The following MED13L variants were observed in gnomAD, a reference collection of about 807,000 sequenced individuals.
MED13L encodes the protein mediator complex subunit 13L.
Under a neutral mutation model 220.9 loss-of-function variants are expected in MED13L, and 7 were observed. The observed-to-expected ratio is 0.03, with a 90% CI of 0.02 to 0.06. The LOEUF is 0.06. Ranked by LOEUF, MED13L falls within the 10% of genes least tolerant of loss-of-function variation. The pLI, the probability that MED13L is intolerant of heterozygous loss-of-function variation, is 1.00. For missense variants in MED13L, 1,965 were observed against 2,760.5 expected (o/e 0.71, Z 6.46); for synonymous variants, 1,011 against 1,015.2 (o/e 1.00, Z 0.08).
At chr12:116,042,765 TA>T (rs936187167) in intron 4 of MED13L, among the ~76,000 whole-genome samples, 3 of 151,372 alleles carry the variant, frequency 2.0e-5, no homozygotes, top group Non-Finnish European at 3.0e-5. Flanking sequence ...GCTGATAGCG[TA>T]AAAAAAAACC....
rs200209262 is a variant in MED13L at position 116,006,330 on chromosome 12, T to C, written c.2320A>G (p.Ile774Val). 7.4e-5 allele frequency: 119 copies of C among 1,613,780 alleles called. No homozygotes were observed. The highest frequency in any genetic ancestry group is 8.9e-5 in the Non-Finnish European group (105 of 1,179,872). Residue 774 changes from isoleucine to valine, a missense_variant, in exon 12 of 31, where the codon ATT (isoleucine) becomes GTT (valine). Coordinates refer to ENST00000281928, the MANE Select transcript of MED13L (RefSeq NM_015335.5). The stretch of plus-strand genomic sequence containing the variant: ...CCTGTTTTAGTAGCAGAACTGAAAA[T>C]AGACATGGCATTTTTCCCATCAGGC... Reference protein sequence around the residue: ...PVPDGKNAMSIFSSATKTDVR... With the variant: ...PVPDGKNAMSVFSSATKTDVR...
chr12:116,129,546 A>T (rs1020998702), intron 2 of MED13L, among the ~76,000 whole-genome samples: 2 of 152,132 alleles, frequency 1.3e-5, no homozygotes, highest in Non-Finnish European at 2.9e-5. Context: ...ATTTTTGCCT[A>T]CCCAAACCAG....
rs866215880 is a variant in MED13L, at chr12:116,167,977, C to T, written c.311-56465G>A. Among the ~76,000 whole-genome samples the T allele has an allele frequency of 2.0e-5, 3 of 152,038 alleles. No individual in the cohort carries two copies. In the South Asian group the frequency reaches 6.2e-4, roughly 31 times the overall value. Reference sequence around the variant, plus strand: ...CATTTGAAATATTGAAGATAAAATGCTAGCTTTAAAAAAAATAAAAATCAT... The same window carrying T: ...CATTTGAAATATTGAAGATAAAATGTTAGCTTTAAAAAAAATAAAAATCAT... On this transcript the variant is annotated intron_variant, in intron 2 of 30. Transcript: ENST00000281928.
rs10678970 is a variant in MED13L, at chr12:116,148,051, C to CAAAAAAAAAAAAAAAAAAAAA, written c.311-36560_311-36540dup. ...TGGGCTACAGAGCAAGACCCCATCT[C>CAAAAAAAAAAAAAAAAAAAAA]AAAAAAAAAAAAAAAAAAAAAAAGA... On this transcript the variant is annotated intron_variant, in intron 2 of 30. Transcript: ENST00000281928. 2.2e-4 allele frequency among the ~76,000 whole-genome samples: 4 copies of CAAAAAAAAAAAAAAAAAAAAA among 18,140 alleles called. 1 individual carries two copies. Among genetic ancestry groups the CAAAAAAAAAAAAAAAAAAAAA allele is most frequent in the Non-Finnish European group, 3.7e-4 (4 of 10,670 alleles). 11.9% of individuals were successfully genotyped at this position (18,140 alleles called of 152,430 possible).
At chr12:116,102,618 T>C (rs1271779286) in intron 3 of MED13L, among the ~76,000 whole-genome samples, 1 of 149,150 alleles carries the variant, frequency 6.7e-6, no homozygotes, top group Non-Finnish European at 1.5e-5. Flanking sequence ...ATGCTCCCAA[T>C]CCCTAACCAA....
chr12:116,098,372 C>T (rs537222427), intron 3 of MED13L, among the ~76,000 whole-genome samples: 1 of 152,304 alleles, frequency 6.6e-6, no homozygotes, highest in Admixed American at 6.5e-5. Context: ...TGAAATTCTA[C>T]ATATTTTGTA....
chr12:116,199,354 G>A (rs1881852533), intron 2 of MED13L, among the ~76,000 whole-genome samples: 2 of 152,110 alleles, frequency 1.3e-5, no homozygotes, highest in Admixed American at 1.3e-4. Context: ...AAATCAAAAA[G>A]AGAGTTTACA....
intron 2 of MED13L, among the ~76,000 whole-genome samples, chr12:116,123,418 A>C (rs1875264590): frequency 6.6e-6 from 1 of 152,212 alleles, no homozygotes; most frequent in African/African-American, 2.4e-5. Context: ...TCATTGCTAC[A>C]AATAAACATT....
chr12:116,053,513 G>A (rs568850250), intron 4 of MED13L, among the ~76,000 whole-genome samples: 1 of 152,148 alleles, frequency 6.6e-6, no homozygotes, highest in African/African-American at 2.4e-5. Flanking sequence ...AATACTAAGA[G>A]TTATTAATAT....
chr12:116,051,747 A>G (rs1421853707), intron 4 of MED13L, among the ~76,000 whole-genome samples: 1 of 152,190 alleles, frequency 6.6e-6, no homozygotes, highest in African/African-American at 2.4e-5. Flanking sequence ...TGTCTGTGAA[A>G]CAAAGTTTTG....
intron 2 of MED13L, among the ~76,000 whole-genome samples, chr12:116,221,373 T>TAAAA (rs78623635): frequency 7.6e-6 from 1 of 132,358 alleles, no homozygotes; most frequent in South Asian, 2.4e-4. Context: ...GACCCTGTCT[T>TAAAA]AAAAAAAAAA....
chr12:116,202,019 T>C (rs745551501), intron 2 of MED13L, among the ~76,000 whole-genome samples: 25 of 152,326 alleles, frequency 1.6e-4, no homozygotes, highest in Non-Finnish European at 2.4e-4. Context: ...ACAAAACAGA[T>C]GTTGCTGCCT....
intron 2 of MED13L, among the ~76,000 whole-genome samples, chr12:116,229,634 A>G (rs1023346578): frequency 6.6e-5 from 10 of 152,174 alleles, no homozygotes; most frequent in African/African-American, 2.4e-4. Flanking sequence ...TTTCAAGCAT[A>G]TTTACCTTAA....
chr12:116,213,765 C>G (rs1882844591), intron 2 of MED13L, among the ~76,000 whole-genome samples: 1 of 152,180 alleles, frequency 6.6e-6, no homozygotes, highest in Non-Finnish European at 1.5e-5. Context: ...AAATTCCTAT[C>G]TGAGGCTTCT....
At chr12:116,138,297 T>G (rs74997797) in intron 2 of MED13L, among the ~76,000 whole-genome samples, 4,467 of 152,348 alleles carry the variant, frequency 0.029, 99 homozygotes, top group Middle Eastern at 0.054. Context: ...GAAAAAAATT[T>G]TAATTTCAAT....
At chr12:116,121,086 AATT>A (rs1875053369) in intron 2 of MED13L, among the ~76,000 whole-genome samples, 1 of 152,204 alleles carries the variant, frequency 6.6e-6, no homozygotes, top group East Asian at 1.9e-4. Context: ...ATCTCACTTA[AATT>A]ATAAAAGCTA....
intron 4 of MED13L, among the ~76,000 whole-genome samples, chr12:116,023,080 G>A (rs756065048): frequency 2.5e-4 from 38 of 152,162 alleles, no homozygotes; most frequent in Non-Finnish European, 2.1e-4. Flanking sequence ...AGGATAACTT[G>A]AGGCCAGAAT....
At chr12:116,204,024 A>G (rs1404468947) in intron 2 of MED13L, among the ~76,000 whole-genome samples, 2 of 152,216 alleles carry the variant, frequency 1.3e-5, no homozygotes, top group African/African-American at 4.8e-5. Flanking sequence ...CAAAAGTGGG[A>G]CTTTCAGAAG....
At chr12:116,095,005 T>G (rs1157808379) in intron 4 of MED13L, among the ~76,000 whole-genome samples, 3 of 152,028 alleles carry the variant, frequency 2.0e-5, no homozygotes, top group Middle Eastern at 6.8e-3. Flanking sequence ...TTACAAAAAA[T>G]TTAAAAATGA....
Sources: gnomAD v4.1 joint callset for allele counts (sites outside exome capture counted in the v4.1 genomes callset) on GRCh38, gnomAD v4.1.1 for gene constraint, MANE v1.5 for transcripts, NCBI Gene and HGNC (gene_info 2026-07-23, HGNC 2026-07-21) for gene names.